UGT1A8: variants seen among roughly 807,000 people sequenced by gnomAD.
UGT1A8 encodes UDP-glucuronosyltransferase 1A8.
A neutral mutation model predicts 45.3 loss-of-function variants in UGT1A8; 39 were observed. That is an observed-to-expected ratio of 0.86 (90% CI 0.67 to 1.12). The LOEUF is 1.12. UGT1A8 is among the 50% of genes most tolerant of loss of function. The probability of loss-of-function intolerance (pLI) is 0.00; values close to 1 mark genes in which losing one functional copy is unlikely to be tolerated. For synonymous variants in UGT1A8, 275 were observed against 249.2 expected (o/e 1.10, Z -0.97); for missense variants, 719 against 664.9 (o/e 1.08, Z -0.90).
At chr2:233,765,991 C>G (rs939830697) in intron 1 of UGT1A8, among the ~76,000 whole-genome samples, 2 of 152,166 alleles carry the variant, frequency 1.3e-5, no homozygotes, top group Middle Eastern at 3.4e-3. Flanking sequence ...TCCTGAAGCT[C>G]CAGTGGGCGT....
Position 233,674,043 on chromosome 2 carries a change from T to C in UGT1A8, c.855+55481T>C, listed in dbSNP as rs1048014161. On this transcript the variant is annotated intron_variant, in intron 1 of 4. Transcript: ENST00000373450. ...AATAACATTCTTAGCAAATGTGTAG[T>C]TGGCTGAATCCAGATTAAACACCTA... 6.6e-5 allele frequency among the ~76,000 whole-genome samples: 10 copies of C among 152,300 alleles called. No homozygotes were observed. In the East Asian group the frequency reaches 1.9e-3, roughly 29 times the overall value.
Position 233,627,622 on chromosome 2 carries a change from T to TCC in UGT1A8, c.855+9060_855+9061insCC. 3.4e-5 allele frequency among the ~76,000 whole-genome samples: 5 copies of TCC among 147,774 alleles called. No homozygotes were observed. In the Admixed American group the frequency reaches 3.5e-4, roughly 10 times the overall value. On this transcript the variant is annotated intron_variant, in intron 1 of 4. Coordinates refer to ENST00000373450, the MANE Select transcript of UGT1A8 (RefSeq NM_019076.5). ...TCATGAATCTCCCTTCCTTCCTTCC[T>TCC]TTCTTCCTTCCTTCCTTCCTTCCTT...
chr2:233,690,689 C>A, intron 1 of UGT1A8: 1 of 1,253,178 alleles, frequency 8.0e-7, no homozygotes, highest in Non-Finnish European at 1.0e-6. Flanking sequence ...TCCAGCGGAG[C>A]TACTCTTTAG....
intron 1 of UGT1A8, among the ~76,000 whole-genome samples, chr2:233,745,600 C>T (rs1179957536): frequency 6.6e-6 from 1 of 151,524 alleles, no homozygotes; most frequent in African/African-American, 2.4e-5. Flanking sequence ...GGACTTGGCA[C>T]TTGGTAAGCA....
chr2:233,645,607 A>G (rs966835364), intron 1 of UGT1A8, among the ~76,000 whole-genome samples: 1 of 152,240 alleles, frequency 6.6e-6, no homozygotes, highest in Non-Finnish European at 1.5e-5. Context: ...GGCCCCATGC[A>G]TGTCAGAAAT....
chr2:233,666,599 GT>G (rs925790057), intron 1 of UGT1A8, among the ~76,000 whole-genome samples: 2 of 150,876 alleles, frequency 1.3e-5, no homozygotes, highest in South Asian at 2.1e-4. Context: ...GTCTGTAGAT[GT>G]TTTTTTTAAA....
At chr2:233,743,813 T>G (rs964815042) in intron 1 of UGT1A8, 1 of 1,367,084 alleles carries the variant, frequency 7.3e-7, no homozygotes, top group South Asian at 1.1e-5. Context: ...GTTCTCAGGG[T>G]TTTTGTCGGG....
intron 1 of UGT1A8, among the ~76,000 whole-genome samples, chr2:233,709,910 C>T (rs1575491918): frequency 6.6e-6 from 1 of 152,188 alleles, no homozygotes; most frequent in Non-Finnish European, 1.5e-5. Context: ...TCACCTAATA[C>T]CTCCCCTCAC....
chr2:233,757,535 A>AATAAATATACATATACATATAT (rs1553619837), intron 1 of UGT1A8, among the ~76,000 whole-genome samples: 4 of 88,306 alleles, frequency 4.5e-5, no homozygotes, highest in African/African-American at 2.0e-4. Flanking sequence ...GCCTGTAAGG[A>AATAAATATACATATACATATAT]ATATATATAT....
At chr2:233,736,111 A>G (rs1342253257) in intron 1 of UGT1A8, among the ~76,000 whole-genome samples, 1 of 152,176 alleles carries the variant, frequency 6.6e-6, no homozygotes, top group East Asian at 1.9e-4. Flanking sequence ...GTGTTTTCCA[A>G]CTTGTTTCCA....
intron 1 of UGT1A8, among the ~76,000 whole-genome samples, chr2:233,667,984 C>CA (rs1240948114): frequency 6.6e-6 from 1 of 152,074 alleles, no homozygotes; most frequent in Non-Finnish European, 1.5e-5. Flanking sequence ...AGCAAGGGTG[C>CA]AAAAAATTGC....
At chr2:233,673,817 T>C (rs1433615483) in intron 1 of UGT1A8, among the ~76,000 whole-genome samples, 2 of 152,212 alleles carry the variant, frequency 1.3e-5, no homozygotes, top group Non-Finnish European at 2.9e-5. Context: ...ACTTATCTTA[T>C]TATTTTGTAG....
At position 233,743,070 on chromosome 2, in the gene UGT1A8, T is replaced by G. The variant is rs1338507367; in HGVS notation, c.856-23964T>G. 11 of 339,422 alleles carry G rather than the reference T, an allele frequency of 3.2e-5. No homozygotes were observed. The Admixed American group carries it at 4.5e-4, about 14-fold the overall frequency. 21.0% of individuals were successfully genotyped at this position (339,422 alleles called of 1,614,324 possible). A position where few individuals can be genotyped will look rare whatever the true frequency, so the allele number is the denominator to read the frequency against. On this transcript the variant is annotated intron_variant, in intron 1 of 4. Transcript: ENST00000373450. ...TAGTCCCAACGATAAGAACAGGTGT[T>G]GGCATGAAGTGTTTATAAATTCTTG...
At position 233,718,851 on chromosome 2, in the gene UGT1A8, C is replaced by T. The variant is rs3892221; in HGVS notation, c.856-48183C>T. ...CAGAGGACTCCAGGTTCCCCTGCCGCGGCTGGCCACAGGACTGCTGCTCCT... is the reference window on the plus strand; with the variant it reads ...CAGAGGACTCCAGGTTCCCCTGCCGTGGCTGGCCACAGGACTGCTGCTCCT... On this transcript the variant is annotated intron_variant, in intron 1 of 4. Coordinates refer to ENST00000373450, the MANE Select transcript of UGT1A8 (RefSeq NM_019076.5). 4,964 of 1,613,706 alleles carry T rather than the reference C, an allele frequency of 3.1e-3. 102 individuals carry two copies. The African/African-American group carries it at 0.045, about 15-fold the overall frequency.
chr2:233,673,759 TA>T (rs1338791062), intron 1 of UGT1A8, among the ~76,000 whole-genome samples: 13 of 152,216 alleles, frequency 8.5e-5, no homozygotes, highest in African/African-American at 3.1e-4. Flanking sequence ...TATGGGTAAT[TA>T]AGGTTTTGTT....
rs775618915 is a variant in UGT1A8 at position 233,617,831 on chromosome 2, C to T, written c.124C>T (p.Gln42Ter). 5.0e-6 allele frequency: 8 copies of T among 1,614,054 alleles called. No homozygotes were observed. Among genetic ancestry groups the T allele is most frequent in the Middle Eastern group, 1.7e-4 (1 of 6,058 alleles). ...PMDGSHWFTM[Q>*]SVVEKLILRG... The stretch of plus-strand genomic sequence containing the variant: ...GGATGGGAGTCACTGGTTCACCATG[C>T]AGTCGGTGGTGGAGAAACTTATCCT... Residue 42 changes from glutamine to a stop codon, truncating the protein, a stop_gained, in exon 1 of 5, where the codon CAG becomes TAG. Coordinates refer to ENST00000373450, the MANE Select transcript of UGT1A8 (RefSeq NM_019076.5). LOFTEE classifies it high-confidence loss of function.
chr2:233,690,773 A>G, intron 1 of UGT1A8: 1 of 1,068,048 alleles, frequency 9.4e-7, no homozygotes, highest in Admixed American at 4.3e-5. Context: ...ACACACACAC[A>G]CATACACACA....
At chr2:233,668,422 A>G (rs565356263) in intron 1 of UGT1A8, among the ~76,000 whole-genome samples, 1 of 152,314 alleles carries the variant, frequency 6.6e-6, no homozygotes, top group African/African-American at 2.4e-5. Flanking sequence ...TCCATGGTGT[A>G]TATGTGCCAC....
chr2:233,633,452 G>A (rs1323406034), intron 1 of UGT1A8, among the ~76,000 whole-genome samples: 2 of 152,156 alleles, frequency 1.3e-5, no homozygotes, highest in African/African-American at 2.4e-5. Flanking sequence ...GGTGTTTTTG[G>A]TGGGTAGGCT....
Sources: gnomAD v4.1 joint callset for allele counts (sites outside exome capture counted in the v4.1 genomes callset) on GRCh38, gnomAD v4.1.1 for gene constraint, MANE v1.5 for transcripts, NCBI Gene and HGNC (gene_info 2026-07-23, HGNC 2026-07-21) for gene names.